ABL2: variants seen among roughly 807,000 people sequenced by gnomAD.
ABL2 encodes the protein ABL proto-oncogene 2, non-receptor tyrosine kinase, also known as tyrosine-protein kinase ABL2.
In ABL2, 49 loss-of-function variants were observed where a neutral mutation model predicts 107.7. That is an observed-to-expected ratio of 0.45 (90% confidence interval 0.36 to 0.58). The LOEUF (loss-of-function observed/expected upper bound fraction) is 0.58, where lower values mean the gene tolerates loss of function less well. ABL2 is among the 20% of genes least tolerant of loss of function. The probability of loss-of-function intolerance (pLI) is 0.00; values close to 1 mark genes in which losing one functional copy is unlikely to be tolerated. For synonymous variants in ABL2, 549 were observed against 548.6 expected (o/e 1.00, Z -0.01); for missense variants, 1,245 against 1,457.0 (o/e 0.85, Z 2.37).
chr1:179,187,758 A>G (rs2102813636), intron 1 of ABL2, among the ~76,000 whole-genome samples: 1 of 152,306 alleles, frequency 6.6e-6, no homozygotes, highest in South Asian at 2.1e-4. Flanking sequence ...ACTAAATTTG[A>G]TAAAGCTCAC....
intron 1 of ABL2, among the ~76,000 whole-genome samples, chr1:179,166,117 G>A (rs375108248): frequency 2.6e-5 from 4 of 151,978 alleles, no homozygotes; most frequent in South Asian, 2.1e-4. Context: ...ACTTTTAAAC[G>A]TCAGACCTGA....
At chr1:179,121,190 T>G (rs570986363) in intron 5 of ABL2, among the ~76,000 whole-genome samples, 2 of 152,104 alleles carry the variant, frequency 1.3e-5, no homozygotes, top group Non-Finnish European at 2.9e-5. Context: ...GTGATCTAAC[T>G]GCAAAGAGAC....
At chr1:179,184,936 CTG>C (rs1246360224) in intron 1 of ABL2, among the ~76,000 whole-genome samples, 1 of 152,122 alleles carries the variant, frequency 6.6e-6, no homozygotes, top group Non-Finnish European at 1.5e-5. Flanking sequence ...TGAACAAAAA[CTG>C]TATGGAATCA....
chr1:179,110,227 G>A, intron 11 of ABL2, 55 bp downstream of exon 11: 1 of 1,598,836 alleles, frequency 6.3e-7, no homozygotes, highest in Non-Finnish European at 8.6e-7. Context: ...CACACCCCAT[G>A]CTTCTTTAAA....
chr1:179,162,493 G>C (rs548833296), intron 1 of ABL2, among the ~76,000 whole-genome samples: 3 of 152,144 alleles, frequency 2.0e-5, no homozygotes, highest in Non-Finnish European at 4.4e-5. Context: ...ACTGAGGCAG[G>C]AGAATTGCTT....
chr1:179,213,379 G>C (rs1402306903), intron 1 of ABL2, among the ~76,000 whole-genome samples: 3 of 151,260 alleles, frequency 2.0e-5, no homozygotes. Flanking sequence ...TGTTGCCCAA[G>C]GCAGGTCTCA....
rs529808004 is a variant in ABL2, at chr1:179,105,208, T to C, written c.*2510A>G. ...AAGACACAGCCCCCACCCCCTACCC[T>C]TCAGATTGTTGTTGGGCAAGAAAAC... On this transcript the variant is annotated 3_prime_UTR_variant, in exon 12 of 12. Coordinates refer to ENST00000502732, the MANE Select transcript of ABL2 (RefSeq NM_007314.4). 1.3e-5 allele frequency: 3 copies of C among 230,618 alleles called. No homozygotes were observed. In the East Asian group the frequency reaches 1.8e-4, roughly 14 times the overall value. 14.3% of individuals were successfully genotyped at this position (230,618 alleles called of 1,614,324 possible).
intron 1 of ABL2, among the ~76,000 whole-genome samples, chr1:179,162,762 T>C (rs1479801188): frequency 6.6e-6 from 1 of 152,196 alleles, no homozygotes; most frequent in Non-Finnish European, 1.5e-5. Flanking sequence ...TAAATACAGC[T>C]ATGTATCAAG....
rs141887755 is a variant in ABL2, at chr1:179,170,753, C to A, written c.158-37379G>T. ...GGGATTACAGGCACCTGCCACCATG[C>A]CTGGCTAATTTTTGTATTTTTAGTA... On this transcript the variant is annotated intron_variant, in intron 1 of 11. Transcript: ENST00000502732. 5.3e-3 allele frequency among the ~76,000 whole-genome samples: 801 copies of A among 152,302 alleles called. 7 individuals carry two copies. The highest frequency in any genetic ancestry group is 0.018 in the African/African-American group (758 of 41,562).
intron 1 of ABL2, among the ~76,000 whole-genome samples, chr1:179,216,375 C>T (rs541328919): frequency 2.0e-5 from 3 of 152,178 alleles, no homozygotes; most frequent in African/African-American, 7.2e-5. Context: ...AAATTATGCA[C>T]TCAATCCAAA....
intron 3 of ABL2, among the ~76,000 whole-genome samples, chr1:179,130,119 T>G (rs975121846): frequency 2.0e-5 from 3 of 152,178 alleles, no homozygotes; most frequent in African/African-American, 7.2e-5. Flanking sequence ...TCTTTTGTAT[T>G]TTAGTAGAGA....
rs28913887 is a variant in ABL2 at position 179,109,209 on chromosome 1, C to T, written c.2058G>A (p.Thr686=). The part of the protein sequence containing the change: ...ENQPHKKYEL[T]GNFSSVASLQ... Reference sequence around the variant, plus strand: ...GAGAAGCAACAGATGAGAAGTTACCCGTGAGTTCGTATTTCTTATGGGGCT... The same window carrying T: ...GAGAAGCAACAGATGAGAAGTTACCTGTGAGTTCGTATTTCTTATGGGGCT... The change falls in exon 12 of 12, where the codon ACG becomes ACA. Residue 686 remains threonine, a synonymous_variant. Coordinates refer to ENST00000502732, the MANE Select transcript of ABL2 (RefSeq NM_007314.4). The T allele has an allele frequency of 3.1e-6, 5 of 1,613,976 alleles. No individual in the cohort carries two copies. The highest frequency in any genetic ancestry group is 1.6e-4 in the Middle Eastern group (1 of 6,062).
At chr1:179,175,847 C>CTTTT (rs777854254) in intron 1 of ABL2, among the ~76,000 whole-genome samples, 58 of 132,180 alleles carry the variant, frequency 4.4e-4, no homozygotes, top group East Asian at 2.2e-3. Flanking sequence ...ACACATTCTT[C>CTTTT]TTTTTTTTTT....
At chr1:179,124,256 AAAG>A (rs1655514369) in intron 4 of ABL2, among the ~76,000 whole-genome samples, 2 of 151,862 alleles carry the variant, frequency 1.3e-5, no homozygotes, top group African/African-American at 4.8e-5. Context: ...AAAAAAAAAA[AAAG>A]AAGCTTTTGT....
chr1:179,117,044 G>A (rs1353771103), intron 8 of ABL2: 1 of 396,540 alleles, frequency 2.5e-6, no homozygotes, highest in Non-Finnish European at 4.7e-6. Flanking sequence ...CACCATGTTG[G>A]CCAGGCTGGT....
intron 1 of ABL2, among the ~76,000 whole-genome samples, chr1:179,216,829 G>GCA (rs1382423077): frequency 6.6e-6 from 1 of 151,656 alleles, no homozygotes; most frequent in Non-Finnish European, 1.5e-5. Context: ...AACTACAGGC[G>GCA]CACGCCACCA....
Position 179,103,740 on chromosome 1 carries a change from C to T in ABL2, c.*3978G>A, listed in dbSNP as rs189692933. 6 of 228,964 alleles carry T rather than the reference C, an allele frequency of 2.6e-5. No homozygotes were observed. Among genetic ancestry groups the T allele is most frequent in the Non-Finnish European group, 4.3e-5 (5 of 115,038 alleles). The allele number at this position is 228,964 out of a possible 1,614,324, so 14.2% of individuals were successfully genotyped here. A position where few individuals can be genotyped will look rare whatever the true frequency, so the allele number is the denominator to read the frequency against. On this transcript the variant is annotated 3_prime_UTR_variant, in exon 12 of 12. Transcript: ENST00000502732. ...CACACAGGCTGATTGTCGGTCTGAG[C>T]CACTTTTTTGCAGTGTCTCACATGG...
intron 1 of ABL2, among the ~76,000 whole-genome samples, chr1:179,170,040 C>T (rs1328150400): frequency 6.6e-6 from 1 of 152,084 alleles, no homozygotes; most frequent in African/African-American, 2.4e-5. Flanking sequence ...ACAACAACAA[C>T]AACGACAACA....
intron 10 of ABL2, among the ~76,000 whole-genome samples, chr1:179,112,091 ATATGG>A (rs1403722550): frequency 6.6e-6 from 1 of 152,178 alleles, no homozygotes; most frequent in African/African-American, 2.4e-5. Context: ...ATATTCAGCT[ATATGG>A]TTGTAATAAT....
Sources: allele counts gnomAD v4.1 joint callset (sites outside exome capture counted in the v4.1 genomes callset), GRCh38; gene constraint gnomAD v4.1.1; transcripts MANE v1.5; gene names NCBI Gene and HGNC (gene_info 2026-07-23, HGNC 2026-07-21).